BICC1: variants seen among roughly 807,000 people sequenced by gnomAD.
The protein encoded by BICC1 is BicC family RNA binding protein 1.
In BICC1, 43 loss-of-function variants were observed where a neutral mutation model predicts 111.0. The ratio of observed to expected loss-of-function variants is 0.39; its 90% CI spans 0.30 to 0.50. BICC1 has a LOEUF of 0.50. Ranked by LOEUF, BICC1 falls within the 20% of genes least tolerant of loss-of-function variation. The pLI is 0.88. For missense variants in BICC1, 1,091 were observed against 1,203.2 expected (o/e 0.91, Z 1.38); for synonymous variants, 467 against 434.4 (o/e 1.07, Z -0.93).
chr10:58,550,061 A>T (rs947841928), intron 1 of BICC1, among the ~76,000 whole-genome samples: 4 of 151,990 alleles, frequency 2.6e-5, no homozygotes, highest in Non-Finnish European at 5.9e-5. Context: ...TATCACCTTG[A>T]CTGGGGTGCA....
At chr10:58,716,216 CA>C (rs1824359574) in intron 3 of BICC1, 2 of 1,503,942 alleles carry the variant, frequency 1.3e-6, no homozygotes, top group African/African-American at 2.8e-5. Context: ...ACAGAAAAAA[CA>C]AAAAAGAATA....
At chr10:58,822,535 C>T (rs1337254761) in intron 20 of BICC1, among the ~76,000 whole-genome samples, 1 of 152,112 alleles carries the variant, frequency 6.6e-6, no homozygotes, top group African/African-American at 2.4e-5. Flanking sequence ...GACTTCCTCT[C>T]TCAGTGGGGT....
chr10:58,722,811 C>T (rs1188985625), intron 3 of BICC1, among the ~76,000 whole-genome samples: 1 of 151,954 alleles, frequency 6.6e-6, no homozygotes, highest in Non-Finnish European at 1.5e-5. Flanking sequence ...GTTTTTGTTT[C>T]CTTTAAGAAT....
At chr10:58,793,298 T>A in intron 8 of BICC1, among the ~76,000 whole-genome samples, 186 bp from the exon 9 acceptor site, 1 of 152,176 alleles carries the variant, frequency 6.6e-6, no homozygotes, top group East Asian at 1.9e-4. Context: ...AAAATGGTTT[T>A]CTCCCCCTCA....
rs1351579888 is a variant in BICC1 at position 58,741,413 on chromosome 10, C to G, written c.307+39270C>G. On this transcript the variant is annotated intron_variant, in intron 3 of 20. Coordinates refer to ENST00000373886, the MANE Select transcript of BICC1 (RefSeq NM_001080512.3). ...GGGGAAGAAATATTAATACATTTCT[C>G]AAATAAGGATACTGTAGTCCAAGAA... Among the ~76,000 whole-genome samples, 3 of 152,068 alleles carry G rather than the reference C, an allele frequency of 2.0e-5. No individual in the cohort carries two copies. The East Asian group carries it at 5.8e-4, about 29-fold the overall frequency.
At chr10:58,557,380 G>T (rs1279912232) in intron 1 of BICC1, among the ~76,000 whole-genome samples, 1 of 148,574 alleles carries the variant, frequency 6.7e-6, no homozygotes. Flanking sequence ...AGTTCATTGA[G>T]CTTCTTGGAT....
At chr10:58,730,287 C>T (rs947562086) in intron 3 of BICC1, among the ~76,000 whole-genome samples, 1 of 152,210 alleles carries the variant, frequency 6.6e-6, no homozygotes, top group Admixed American at 6.5e-5. Flanking sequence ...TCTCCTTTGA[C>T]TTCATGTCCC....
chr10:58,531,928 T>C (rs928227576), intron 1 of BICC1, among the ~76,000 whole-genome samples: 4 of 151,762 alleles, frequency 2.6e-5, no homozygotes, highest in Admixed American at 1.3e-4. Flanking sequence ...AAGGGACTTA[T>C]GGGGCGCCAT....
intron 3 of BICC1, among the ~76,000 whole-genome samples, chr10:58,747,526 T>C (rs776188683): frequency 6.6e-6 from 1 of 151,576 alleles, no homozygotes; most frequent in Non-Finnish European, 1.5e-5. Flanking sequence ...TACAATGTGA[T>C]GATGTTTTGA....
At chr10:58,785,138 CATGCCGTTA>C in intron 4 of BICC1, 58 bp downstream of exon 4, 1 of 987,496 alleles carries the variant, frequency 1.0e-6, no homozygotes, top group Non-Finnish European at 1.5e-6. Context: ...AGGGCTACTT[CATGCCGTTA>C]TGAAAGAACC....
chr10:58,682,425 T>C (rs1200846381), intron 2 of BICC1, among the ~76,000 whole-genome samples: 2 of 152,196 alleles, frequency 1.3e-5, no homozygotes, highest in Admixed American at 1.3e-4. Context: ...TAGTTCTAGA[T>C]CCTTGAGGAA....
intron 2 of BICC1, among the ~76,000 whole-genome samples, chr10:58,641,745 T>C (rs974546280): frequency 1.3e-5 from 2 of 152,192 alleles, no homozygotes; most frequent in Non-Finnish European, 2.9e-5. Flanking sequence ...AAAACCTCTT[T>C]TGAGAGATTC....
intron 1 of BICC1, among the ~76,000 whole-genome samples, chr10:58,518,696 A>T (rs937840864): frequency 3.9e-5 from 6 of 152,064 alleles, no homozygotes; most frequent in African/African-American, 1.2e-4. Context: ...AGTTGCAATT[A>T]AAATTGCTTT....
chr10:58,828,825 T>TGGAGCGAGTGGAAGGC lies in BICC1; in HGVS notation c.2860_2875dup (p.Leu959ArgfsTer16). 6.2e-7 allele frequency: 1 copy of TGGAGCGAGTGGAAGGC among 1,613,926 alleles called. No individual in the cohort carries two copies. Among genetic ancestry groups the TGGAGCGAGTGGAAGGC allele is most frequent in the African/African-American group, 1.3e-5 (1 of 75,028 alleles). On this transcript the variant is annotated frameshift_variant, in exon 21 of 21. Coordinates refer to ENST00000373886, the MANE Select transcript of BICC1 (RefSeq NM_001080512.3). ...ATGCACGCACCTCTTTCCTGGAAGGTGGAGCGAGTGGAAGGCTACCCCGTC... is the reference window on the plus strand; with the variant it reads ...ATGCACGCACCTCTTTCCTGGAAGGTGGAGCGAGTGGAAGGCGGAGCGAGTGGAAGGCTACCCCGTC...
intron 1 of BICC1, among the ~76,000 whole-genome samples, chr10:58,517,014 T>C (rs1230679650): frequency 3.9e-5 from 6 of 152,188 alleles, no homozygotes; most frequent in Non-Finnish European, 7.3e-5. Flanking sequence ...TAAAGTATTT[T>C]TCTTTGTAAA....
At chr10:58,527,129 G>T (rs1449726125) in intron 1 of BICC1, among the ~76,000 whole-genome samples, 1 of 152,170 alleles carries the variant, frequency 6.6e-6, no homozygotes. Context: ...TCTAACTGGT[G>T]TGAGATGGTA....
chr10:58,702,133 A>T lies in BICC1; in HGVS notation c.297A>T (p.Lys99Asn). ...CATCAAAACTGAAGATCGGAGCCAA[A>T]TCCAAGAAAGGTAAATTGTGAGAGG... is the stretch of plus-strand genomic sequence containing the variant. ...AWPSKLKIGAKSKKDPHIKVS... is the reference protein window; with the variant it reads ...AWPSKLKIGANSKKDPHIKVS... Residue 99 changes from lysine to asparagine, a missense_variant, in exon 3 of 21, where the codon AAA (lysine) becomes AAT (asparagine). Around this residue, in one of 3 missense-constraint regions of BICC1, gnomAD observed 843 missense variants for 900.8 expected, o/e 0.94. Transcript: ENST00000373886. 1 of 1,612,710 alleles carries T rather than the reference A, an allele frequency of 6.2e-7. No homozygotes were observed. The highest frequency in any genetic ancestry group is 8.5e-7 in the Non-Finnish European group (1 of 1,179,126).
At chr10:58,720,087 T>C (rs1431610358) in intron 3 of BICC1, among the ~76,000 whole-genome samples, 1 of 152,212 alleles carries the variant, frequency 6.6e-6, no homozygotes, top group Non-Finnish European at 1.5e-5. Context: ...GCTTTCTAGA[T>C]TAAATTTGCC....
chr10:58,694,371 G>A (rs1442647630), intron 2 of BICC1, among the ~76,000 whole-genome samples: 2 of 152,296 alleles, frequency 1.3e-5, no homozygotes, highest in African/African-American at 2.4e-5. Context: ...GAAGAGAAAT[G>A]TGATTGGTCA....
Sources: allele counts gnomAD v4.1 joint callset (sites outside exome capture counted in the v4.1 genomes callset), GRCh38; gene constraint gnomAD v4.1.1; regional missense constraint gnomAD v4.1.1; transcripts MANE v1.5; gene names NCBI Gene and HGNC (gene_info 2026-07-23, HGNC 2026-07-21).